Variants in KCNQ5 observed in about 807,000 individuals in gnomAD.
KCNQ5 encodes the protein potassium voltage-gated channel subfamily KQT member 5.
In KCNQ5, 30 loss-of-function variants were observed where a neutral mutation model predicts 98.2. The ratio of observed to expected loss-of-function variants is 0.31; its 90% CI spans 0.23 to 0.41. The LOEUF is 0.41. KCNQ5 is among the 10% of genes least tolerant of loss of function. The pLI, the probability that KCNQ5 is intolerant of heterozygous loss-of-function variation, is 1.00. For synonymous variants in KCNQ5, 458 were observed against 449.4 expected, an observed-to-expected ratio of 1.02 and a Z score of -0.24; for missense variants, 835 against 1,182.5, an observed-to-expected ratio of 0.71 and a Z score of 4.31.
intron 1 of KCNQ5, among the ~76,000 whole-genome samples, chr6:72,898,133 G>A (rs1033137853): frequency 1.4e-4 from 22 of 152,214 alleles, no homozygotes; most frequent in Non-Finnish European, 2.9e-4. Flanking sequence ...ATACATGAGG[G>A]GGAAACGTTT....
At chr6:72,675,175 A>G (rs1380643751) in intron 1 of KCNQ5, among the ~76,000 whole-genome samples, 1 of 152,214 alleles carries the variant, frequency 6.6e-6, no homozygotes, top group Non-Finnish European at 1.5e-5. Flanking sequence ...ATTTCCCAAA[A>G]GACTTATATA....
intron 1 of KCNQ5, among the ~76,000 whole-genome samples, chr6:72,715,497 A>T (rs1416656310): frequency 1.3e-5 from 2 of 152,210 alleles, no homozygotes; most frequent in Non-Finnish European, 2.9e-5. Flanking sequence ...ACAGAAATTC[A>T]GACAAGATCA....
At chr6:72,778,910 C>A (rs554965019) in intron 1 of KCNQ5, among the ~76,000 whole-genome samples, 2 of 152,244 alleles carry the variant, frequency 1.3e-5, no homozygotes, top group South Asian at 4.2e-4. Context: ...CTATAAATAG[C>A]TTTTGTAAAG....
At chr6:72,732,414 T>C (rs1315899558) in intron 1 of KCNQ5, among the ~76,000 whole-genome samples, 1 of 151,752 alleles carries the variant, frequency 6.6e-6, no homozygotes, top group Non-Finnish European at 1.5e-5. Flanking sequence ...GGTGGGAGGA[T>C]AGAATTAGTT....
intron 1 of KCNQ5, among the ~76,000 whole-genome samples, chr6:72,696,405 A>G (rs1023117856): frequency 2.6e-5 from 4 of 152,258 alleles, no homozygotes; most frequent in Non-Finnish European, 5.9e-5. Context: ...ATGAAGCAAG[A>G]TGTTTTCTCC....
chr6:72,657,154 G>A (rs1766239518), intron 1 of KCNQ5, among the ~76,000 whole-genome samples: 1 of 152,114 alleles, frequency 6.6e-6, no homozygotes, highest in African/African-American at 2.4e-5. Flanking sequence ...AGGTTATGGT[G>A]AATTATGATT....
intron 1 of KCNQ5, among the ~76,000 whole-genome samples, chr6:72,753,838 T>A (rs1397064993): frequency 1.3e-5 from 2 of 152,112 alleles, no homozygotes; most frequent in African/African-American, 4.8e-5. Flanking sequence ...AAGTTATATT[T>A]AATGAGATGG....
At chr6:73,135,495 T>A (rs1452350870) in intron 10 of KCNQ5, 1 of 150,678 alleles carries the variant, frequency 6.6e-6, no homozygotes, top group African/African-American at 2.4e-5. Context: ...GAAAAAAAAT[T>A]AGCCCTTCCT....
intron 1 of KCNQ5, among the ~76,000 whole-genome samples, chr6:72,658,531 T>G (rs1172017091): frequency 7.0e-6 from 1 of 143,388 alleles, no homozygotes; most frequent in Admixed American, 7.2e-5. Context: ...TCCACCTGCC[T>G]CAGCCTCCCA....
At chr6:72,778,229 A>G (rs1226340617) in intron 1 of KCNQ5, among the ~76,000 whole-genome samples, 1 of 152,230 alleles carries the variant, frequency 6.6e-6, no homozygotes, top group African/African-American at 2.4e-5. Context: ...TGATGACTAC[A>G]GTAACATAAG....
chr6:72,867,946 C>A (rs972854664), intron 1 of KCNQ5, among the ~76,000 whole-genome samples: 6 of 149,812 alleles, frequency 4.0e-5, no homozygotes, highest in African/African-American at 4.9e-5. Context: ...ACTAATAATA[C>A]TAATACTACT....
At position 72,831,007 on chromosome 6, in the gene KCNQ5, A is replaced by T. The variant is rs148803061; in HGVS notation, c.399-172901A>T. Among the ~76,000 whole-genome samples the T allele has an allele frequency of 6.1e-3, 936 of 152,346 alleles. 8 individuals carry two copies. The highest frequency in any genetic ancestry group is 0.021 in the African/African-American group (889 of 41,576). On this transcript the variant is annotated intron_variant, in intron 1 of 13. Coordinates refer to ENST00000370398, the MANE Select transcript of KCNQ5 (RefSeq NM_019842.4). ...TGCTTATCATCACTGGCCTTCAGAG[A>T]AATGCAAATCAAAACCATGAGATAC...
At chr6:72,736,805 A>C (rs967215934) in intron 1 of KCNQ5, among the ~76,000 whole-genome samples, 2 of 151,998 alleles carry the variant, frequency 1.3e-5, no homozygotes, top group African/African-American at 4.8e-5. Flanking sequence ...GGCCGTAAAA[A>C]AAGATTTCAA....
chr6:73,171,987 T>C (rs566000915), intron 11 of KCNQ5, among the ~76,000 whole-genome samples: 4 of 152,342 alleles, frequency 2.6e-5, no homozygotes, highest in East Asian at 1.9e-4. Context: ...AGGTTTATTC[T>C]GCTAGCTAAG....
intron 11 of KCNQ5, among the ~76,000 whole-genome samples, chr6:73,170,456 A>G (rs1473134728): frequency 7.4e-6 from 1 of 135,286 alleles, no homozygotes; most frequent in African/African-American, 3.1e-5. Context: ...ACACACACAC[A>G]CACACGCAAT....
At chr6:72,711,338 T>A (rs1769360441) in intron 1 of KCNQ5, among the ~76,000 whole-genome samples, 2 of 152,136 alleles carry the variant, frequency 1.3e-5, no homozygotes, top group Admixed American at 1.3e-4. Flanking sequence ...AAATTAAATT[T>A]CTGTTGTTTA....
At chr6:72,996,968 G>A (rs1160757769) in intron 1 of KCNQ5, among the ~76,000 whole-genome samples, 2 of 152,158 alleles carry the variant, frequency 1.3e-5, no homozygotes, top group African/African-American at 2.4e-5. Context: ...AGGGAGGAAG[G>A]AGCACACGTC....
In KCNQ5 at chr6:73,133,672, A is replaced by G. The variant is rs748924145; in HGVS notation, c.1468+31A>G. ...CCCTGTTTTTCCATAACCATTTTTA[A>G]TTGGATAGGCTATAGTGAGTGAGAT... is the stretch of plus-strand genomic sequence containing the variant. On this transcript the variant is annotated intron_variant, in intron 10 of 13. Coordinates refer to ENST00000370398, the MANE Select transcript of KCNQ5 (RefSeq NM_019842.4). The G allele has an allele frequency of 1.9e-6, 3 of 1,576,238 alleles. No homozygotes were observed. The African/African-American group carries it at 4.0e-5, about 21-fold the overall frequency.
At chr6:72,776,454 A>T (rs188915936) in intron 1 of KCNQ5, among the ~76,000 whole-genome samples, 69 of 152,348 alleles carry the variant, frequency 4.5e-4, no homozygotes, top group African/African-American at 1.3e-3. Context: ...AACTTCATGC[A>T]GAAGAGATGA....
Sources: allele counts gnomAD v4.1 joint callset (sites outside exome capture counted in the v4.1 genomes callset), GRCh38; gene constraint gnomAD v4.1.1; transcripts MANE v1.5; gene names NCBI Gene and HGNC (gene_info 2026-07-23, HGNC 2026-07-21).